Variants in SLIT1 observed in about 807,000 individuals in gnomAD.
The protein encoded by SLIT1 is slit homolog 1 protein.
SLIT1 carries 66 observed loss-of-function variants against 186.1 expected under a neutral mutation model. The ratio of observed to expected loss-of-function variants is 0.35; its 90% confidence interval spans 0.29 to 0.44. The LOEUF is 0.44. Among genes scored for constraint, SLIT1 ranks in the 20% least tolerant of loss-of-function variants. The pLI is 1.00. For missense variants in SLIT1, 1,638 were observed against 2,037.4 expected (o/e 0.80, Z 3.77); for synonymous variants, 761 against 833.8 (o/e 0.91, Z 1.50).
chr10:97,170,038 T>TA (rs1042671960), intron 1 of SLIT1, among the ~76,000 whole-genome samples: 1 of 152,202 alleles, frequency 6.6e-6, no homozygotes, highest in Non-Finnish European at 1.5e-5. Context: ...ATGAAGAACA[T>TA]AACTTGAGGG....
intron 4 of SLIT1, among the ~76,000 whole-genome samples, chr10:97,115,382 C>T (rs1006553823): frequency 2.6e-5 from 4 of 152,146 alleles, no homozygotes; most frequent in Non-Finnish European, 5.9e-5. Context: ...CCCCATGGCC[C>T]ACATCCATGC....
intron 13 of SLIT1, among the ~76,000 whole-genome samples, chr10:97,051,497 C>T (rs1293316556): frequency 2.0e-5 from 3 of 151,758 alleles, no homozygotes; most frequent in Non-Finnish European, 4.4e-5. Context: ...AGGAATCTAC[C>T]ATATGAACCA....
chr10:97,011,185 G>T lies in SLIT1; in HGVS notation c.3204-55C>A, dbSNP rs1234447125. ...GGGTCAGCCACACAGAGTCTGGGAG[G>T]CCAGGGGAGCGCACCAGGGATCCCC... On this transcript the variant is annotated intron_variant, in intron 30 of 36. Coordinates refer to ENST00000266058, the MANE Select transcript of SLIT1 (RefSeq NM_003061.3). 14 of 1,313,678 alleles carry T rather than the reference G, an allele frequency of 1.1e-5. 1 individual carries two copies. Among genetic ancestry groups the T allele is most frequent in the Non-Finnish European group, 3.3e-6 (3 of 912,912 alleles). 81.4% of individuals were successfully genotyped at this position (1,313,678 alleles called of 1,614,324 possible). A position where few individuals can be genotyped will look rare whatever the true frequency, so the allele number is the denominator to read the frequency against.
intron 14 of SLIT1, 71 bp from the exon 15 acceptor site, chr10:97,048,067 C>A (rs1277100295): frequency 1.2e-5 from 18 of 1,554,548 alleles, no homozygotes; most frequent in Non-Finnish European, 1.6e-5. Flanking sequence ...CAGGCCCCAG[C>A]CCCACTGCTC....
chr10:97,053,974 T>TATC (rs1333786465), intron 13 of SLIT1, among the ~76,000 whole-genome samples: 1 of 152,134 alleles, frequency 6.6e-6, no homozygotes, highest in African/African-American at 2.4e-5. Flanking sequence ...GTCGAATTTG[T>TATC]ATCAGTCTGC....
chr10:97,061,851 G>A (rs956079037), intron 8 of SLIT1, among the ~76,000 whole-genome samples: 8 of 152,166 alleles, frequency 5.3e-5, no homozygotes, highest in Non-Finnish European at 8.8e-5. Flanking sequence ...CTGCAGAGTG[G>A]TTGAGCCAGT....
chr10:97,051,443 C>T lies in SLIT1; in HGVS notation c.1302-2325G>A, dbSNP rs747901570. 8.5e-5 allele frequency among the ~76,000 whole-genome samples: 13 copies of T among 152,148 alleles called. No individual in the cohort carries two copies. In the South Asian group the frequency reaches 1.3e-3, roughly 15 times the overall value. The stretch of plus-strand genomic sequence containing the variant: ...CACTGGTGGGAATGTAAAATAGTAC[C>T]GCCACTTTGGAAAACACTGGCAGTT... On this transcript the variant is annotated intron_variant, in intron 13 of 36. Transcript: ENST00000266058.
At chr10:97,092,165 C>T (rs1005343317) in intron 4 of SLIT1, among the ~76,000 whole-genome samples, 3 of 152,228 alleles carry the variant, frequency 2.0e-5, no homozygotes, top group East Asian at 3.8e-4. Context: ...GAGCTGGGGC[C>T]CCTGGAGGCT....
Position 97,127,254 on chromosome 10 carries a change from C to G in SLIT1, c.413+30564G>C, listed in dbSNP as rs1238347476. On this transcript the variant is annotated intron_variant, in intron 4 of 36. Coordinates refer to ENST00000266058, the MANE Select transcript of SLIT1 (RefSeq NM_003061.3). Reference sequence around the variant, plus strand: ...TGAGCCGAGATCACGCCATTGCACTCCAGCCTGGGCGACAGAGCGAGACTC... The same window carrying G: ...TGAGCCGAGATCACGCCATTGCACTGCAGCCTGGGCGACAGAGCGAGACTC... Among the ~76,000 whole-genome samples the G allele has an allele frequency of 2.0e-5, 3 of 151,802 alleles. No individual in the cohort carries two copies. In the East Asian group the frequency reaches 5.8e-4, roughly 29 times the overall value.
chr10:97,068,718 C>T lies in SLIT1; in HGVS notation c.414-2632G>A, dbSNP rs1434291339. Among the ~76,000 whole-genome samples the T allele has an allele frequency of 6.6e-6, 1 of 152,186 alleles. No homozygotes were observed. The highest frequency in any genetic ancestry group is 2.4e-5 in the African/African-American group (1 of 41,440). ...GCCCCACCTTCCCTTCCTGCTCTCC[C>T]CATGGCATCTTTCATCTTCGATCTT... On this transcript the variant is annotated intron_variant, in intron 4 of 36. Coordinates refer to ENST00000266058, the MANE Select transcript of SLIT1 (RefSeq NM_003061.3). This position sits in a 1 kb window ranked among gnomAD's most constrained non-coding sequence, Gnocchi z 4.2.
chr10:97,075,487 C>T (rs1849037137), intron 4 of SLIT1, among the ~76,000 whole-genome samples: 1 of 152,192 alleles, frequency 6.6e-6, no homozygotes, highest in Non-Finnish European at 1.5e-5. Flanking sequence ...TGACCTCTGG[C>T]AGGACCACAG....
chr10:97,123,446 A>G (rs1005536106), intron 4 of SLIT1, among the ~76,000 whole-genome samples: 11 of 152,202 alleles, frequency 7.2e-5, no homozygotes, highest in Non-Finnish European at 1.2e-4. Flanking sequence ...AGAATGTCTG[A>G]ACCGTCCTCA....
chr10:97,053,399 T>C (rs1053332535), intron 13 of SLIT1, among the ~76,000 whole-genome samples: 8 of 152,196 alleles, frequency 5.3e-5, no homozygotes, highest in African/African-American at 1.9e-4. Flanking sequence ...AGTAAATTAA[T>C]TGGGAGGAGT....
At chr10:97,176,236 A>G (rs1205283672) in intron 1 of SLIT1, among the ~76,000 whole-genome samples, 1 of 152,102 alleles carries the variant, frequency 6.6e-6, no homozygotes, top group Non-Finnish European at 1.5e-5. Context: ...CCTTCCTCCC[A>G]GGAGTGTTAT....
intron 28 of SLIT1, among the ~76,000 whole-genome samples, chr10:97,016,461 T>C (rs555679968): frequency 6.6e-6 from 1 of 152,348 alleles, no homozygotes; most frequent in African/African-American, 2.4e-5. Context: ...AGTGGTATGA[T>C]CACAGCTTAC....
chr10:97,135,670 T>C (rs930084940), intron 4 of SLIT1, among the ~76,000 whole-genome samples: 6 of 152,202 alleles, frequency 3.9e-5, no homozygotes, highest in African/African-American at 1.4e-4. Flanking sequence ...CTCAGGGCAC[T>C]CTGACTGGAT....
chr10:97,019,714 G>A (rs917020104), intron 26 of SLIT1, among the ~76,000 whole-genome samples: 3 of 152,160 alleles, frequency 2.0e-5, no homozygotes, highest in African/African-American at 7.2e-5. Flanking sequence ...TGCACTGGTT[G>A]TAGAAGTAAC....
intron 4 of SLIT1, among the ~76,000 whole-genome samples, chr10:97,074,858 G>A (rs1849031588): frequency 6.6e-6 from 1 of 152,236 alleles, no homozygotes; most frequent in African/African-American, 2.4e-5. Flanking sequence ...GGAGGAGGCA[G>A]GGGTTGGGGA....
In SLIT1 at chr10:97,022,710, C is replaced by T. The variant is rs1351055339; in HGVS notation, c.2583-1297G>A. Among the ~76,000 whole-genome samples the T allele has an allele frequency of 2.0e-5, 3 of 152,198 alleles. No individual in the cohort carries two copies. The highest frequency in any genetic ancestry group is 2.9e-5 in the Non-Finnish European group (2 of 68,042). ...GGGAGTGGTTATATAAATTGTGATA[C>T]ATTCACATTACGAAAAACAAAAGTC... On this transcript the variant is annotated intron_variant, in intron 25 of 36. Coordinates refer to ENST00000266058, the MANE Select transcript of SLIT1 (RefSeq NM_003061.3). This position sits in a 1 kb window ranked among gnomAD's most constrained non-coding sequence, Gnocchi z 4.2.
Sources: gnomAD v4.1 joint callset for allele counts (sites outside exome capture counted in the v4.1 genomes callset) on GRCh38, gnomAD v4.1.1 for gene constraint, Gnocchi (gnomAD v3.1) non-coding constraint, MANE v1.5 for transcripts, NCBI Gene and HGNC (gene_info 2026-07-23, HGNC 2026-07-21) for gene names.